Variants in ACSF3 observed in about 807,000 individuals in gnomAD.
The protein encoded by ACSF3 is acyl-CoA synthetase family member 3.
In ACSF3, 78 loss-of-function variants were observed where a neutral mutation model predicts 53.2. That is an observed-to-expected ratio of 1.47 (90% CI 1.22 to 1.77). The LOEUF (loss-of-function observed/expected upper bound fraction) is 1.77, where lower values mean the gene tolerates loss of function less well. Among genes scored for constraint, ACSF3 ranks in the 40% most tolerant of loss-of-function variants. The pLI is 0.00. For missense variants in ACSF3, 937 were observed against 771.1 expected, an observed-to-expected ratio of 1.22 and a Z score of -2.55; for synonymous variants, 414 against 333.1, an observed-to-expected ratio of 1.24 and a Z score of -2.65.
At chr16:89,104,759 G>A (rs553519017) in intron 4 of ACSF3, among the ~76,000 whole-genome samples, 102 of 152,288 alleles carry the variant, frequency 6.7e-4, no homozygotes, top group African/African-American at 2.3e-3. Flanking sequence ...GTTGGAGGCC[G>A]GCTCACAGTG....
At position 89,156,139 on chromosome 16, in the gene ACSF3, C is replaced by T. The variant is rs1352821298; in HGVS notation, c.*1932C>T. ...CAGTCCGCCAGTGCCCAGCCAGGCC[C>T]CTGGTTCCCCTCTGCTCCACCAGCC... On this transcript the variant is annotated 3_prime_UTR_variant, in exon 11 of 11. Transcript: ENST00000614302. Among the ~76,000 whole-genome samples the T allele has an allele frequency of 6.6e-6, 1 of 152,182 alleles. No homozygotes were observed.
chr16:89,133,292 G>C, intron 8 of ACSF3, 30 bp downstream of exon 8: 2 of 1,613,562 alleles, frequency 1.2e-6, no homozygotes, highest in South Asian at 1.1e-5. Context: ...GAGTGGAGGA[G>C]ACCCCGAGGG....
chr16:89,112,848 G>A (rs917139428), intron 5 of ACSF3, among the ~76,000 whole-genome samples: 27 of 152,204 alleles, frequency 1.8e-4, no homozygotes, highest in Non-Finnish European at 2.9e-5. Context: ...CCTCTCCTAT[G>A]CAGTCTCTCT....
chr16:89,103,327 C>T (rs144828809), intron 4 of ACSF3, among the ~76,000 whole-genome samples: 6 of 152,332 alleles, frequency 3.9e-5, no homozygotes, highest in African/African-American at 1.2e-4. Flanking sequence ...GATTCTGAGA[C>T]GAGTCTTGCG....
chr16:89,107,312 T>G (rs549546654), intron 4 of ACSF3, among the ~76,000 whole-genome samples: 8 of 152,208 alleles, frequency 5.3e-5, no homozygotes, highest in African/African-American at 1.9e-4. Flanking sequence ...TTCGTGTCTT[T>G]CACCTCCGCG....
chr16:89,104,634 G>T lies in ACSF3; in HGVS notation c.822+1875G>T, dbSNP rs532425691. Among the ~76,000 whole-genome samples, 173 of 152,312 alleles carry T rather than the reference G, an allele frequency of 1.1e-3. 2 individuals are homozygous for T. Among genetic ancestry groups the T allele is most frequent in the African/African-American group, 3.8e-3 (156 of 41,580 alleles). On this transcript the variant is annotated intron_variant, in intron 4 of 10. Transcript: ENST00000614302. ...CCTCTGCTTCTCCTGCCGCTGAGAG[G>T]CCCATCCTCTTCTCTGCAGGGCATC...
In ACSF3 at chr16:89,105,540, G is replaced by A. The variant is rs139084247; in HGVS notation, c.822+2781G>A. 8.7e-3 allele frequency among the ~76,000 whole-genome samples: 1,320 copies of A among 152,250 alleles called. 20 individuals are homozygous for A. Among genetic ancestry groups the A allele is most frequent in the African/African-American group, 0.03 (1,264 of 41,538 alleles). ...CTGACGGGGCAGCTCCCTCCTCTCC[G>A]CCTTAAGCTCCTCCTTTCCTTTGGC... On this transcript the variant is annotated intron_variant, in intron 4 of 10. Transcript: ENST00000614302.
chr16:89,138,296 G>A (rs542852604), intron 8 of ACSF3, among the ~76,000 whole-genome samples: 8 of 152,320 alleles, frequency 5.3e-5, no homozygotes, highest in Admixed American at 2.6e-4. Context: ...CTGTCCCCTC[G>A]TCCAGGGGAG....
chr16:89,131,742 G>C lies in ACSF3; in HGVS notation c.1240-1394G>C, dbSNP rs576850248. ...TCTCTACATGTCCCACAAGTGTACT[G>C]ACCAGTGGCCAGTCTGACCACGTCA... is the stretch of plus-strand genomic sequence containing the variant. On this transcript the variant is annotated intron_variant, in intron 7 of 10. Transcript: ENST00000614302. 2.0e-5 allele frequency among the ~76,000 whole-genome samples: 3 copies of C among 152,278 alleles called. No individual in the cohort carries two copies. In the South Asian group the frequency reaches 6.2e-4, roughly 32 times the overall value.
intron 10 of ACSF3, chr16:89,152,314 A>C (rs897912272): frequency 2.6e-5 from 4 of 152,270 alleles, no homozygotes; most frequent in Admixed American, 2.0e-4. Context: ...ATAAAACTTT[A>C]GATTCCCACA....
chr16:89,114,615 C>A, intron 6 of ACSF3, 128 bp downstream of exon 6: 2 of 1,406,010 alleles, frequency 1.4e-6, no homozygotes, highest in Admixed American at 1.9e-5. Flanking sequence ...TGGGACAGGC[C>A]ACTCGGCCAG....
chr16:89,121,026 A>AGT, intron 7 of ACSF3, 113 bp downstream of exon 7: 3 of 954,264 alleles, frequency 3.1e-6, no homozygotes, highest in Non-Finnish European at 4.8e-6. Context: ...CACGCAGGGG[A>AGT]CCAGCCCCCT....
At chr16:89,107,444 C>A (rs1245430590) in intron 4 of ACSF3, among the ~76,000 whole-genome samples, 1 of 152,208 alleles carries the variant, frequency 6.6e-6, no homozygotes, top group Non-Finnish European at 1.5e-5. Flanking sequence ...GCTCTCCCCG[C>A]CTCGGCACCA....
rs1179739660 is a variant in ACSF3 at position 89,154,881 on chromosome 16, G to GACCCTGCCTC, written c.*679_*688dup. ...GATGGCCCCGGAGCTGCTCTGCCGTGACCCTGCCTCACCCCCCAGCGCAGG... is the reference window on the plus strand; with the variant it reads ...GATGGCCCCGGAGCTGCTCTGCCGTGACCCTGCCTCACCCTGCCTCACCCCCCAGCGCAGG... On this transcript the variant is annotated 3_prime_UTR_variant, in exon 11 of 11. Transcript: ENST00000614302. The GACCCTGCCTC allele has an allele frequency of 8.8e-6, 4 of 454,092 alleles. No individual in the cohort carries two copies. In the Admixed American group the frequency reaches 9.4e-5, roughly 11 times the overall value. 28.1% of individuals were successfully genotyped at this position (454,092 alleles called of 1,614,324 possible). A position where few individuals can be genotyped will look rare whatever the true frequency, so the allele number is the denominator to read the frequency against.
chr16:89,100,348 T>C (rs1975125731), intron 2 of ACSF3, among the ~76,000 whole-genome samples: 1 of 152,258 alleles, frequency 6.6e-6, no homozygotes, highest in Non-Finnish European at 1.5e-5. Flanking sequence ...TATTCAGATG[T>C]ACCTTAAGTG....
intron 5 of ACSF3, among the ~76,000 whole-genome samples, chr16:89,112,833 G>A (rs1178050361): frequency 6.6e-6 from 1 of 152,214 alleles, no homozygotes; most frequent in Non-Finnish European, 1.5e-5. Flanking sequence ...GTCCCACGGC[G>A]CCTGCCTCTC....
intron 3 of ACSF3, 181 bp from the exon 4 acceptor site, chr16:89,102,423 C>G (rs1567687467): frequency 2.9e-6 from 2 of 693,874 alleles, no homozygotes; most frequent in Middle Eastern, 3.8e-4. Flanking sequence ...CCCAGCAGAT[C>G]TGCTGTGGTT....
At chr16:89,107,175 C>G (rs28538054) in intron 4 of ACSF3, among the ~76,000 whole-genome samples, 110,500 of 152,110 alleles carry the variant, frequency 0.73, 40,592 homozygotes, top group Admixed American at 0.78. Flanking sequence ...AGGTCTTTCA[C>G]GTCTTGGAAG....
intron 2 of ACSF3, among the ~76,000 whole-genome samples, 196 bp from the exon 3 acceptor site, chr16:89,100,466 G>A (rs573618130): frequency 6.6e-6 from 1 of 152,388 alleles, no homozygotes; most frequent in South Asian, 2.1e-4. Flanking sequence ...AGAAAGCTGA[G>A]ATGCTGGGCA....
Sources: gnomAD v4.1 joint callset for allele counts (sites outside exome capture counted in the v4.1 genomes callset) on GRCh38, gnomAD v4.1.1 for gene constraint, MANE v1.5 for transcripts, NCBI Gene and HGNC (gene_info 2026-07-23, HGNC 2026-07-21) for gene names.